GULP1: variants seen among roughly 807,000 people sequenced by gnomAD.
GULP1 encodes the protein PTB domain-containing engulfment adapter protein 1.
In GULP1, 19 loss-of-function variants were observed where a neutral mutation model predicts 40.9. That is an observed-to-expected ratio of 0.46 (90% CI 0.32 to 0.68). The LOEUF (loss-of-function observed/expected upper bound fraction) is 0.68, where lower values mean the gene tolerates loss of function less well. GULP1 is among the 30% of genes least tolerant of loss of function. GULP1 has a pLI of 0.03. For missense variants in GULP1, 312 were observed against 362.2 expected, an observed-to-expected ratio of 0.86 and a Z score of 1.12; for synonymous variants, 119 against 117.6, an observed-to-expected ratio of 1.01 and a Z score of -0.08.
chr2:188,511,948 G>C (rs1477897754), intron 4 of GULP1, among the ~76,000 whole-genome samples: 1 of 152,014 alleles, frequency 6.6e-6, no homozygotes, highest in East Asian at 1.9e-4. Context: ...TTTTTTTCAG[G>C]ATTATAGTTT....
intron 5 of GULP1, among the ~76,000 whole-genome samples, chr2:188,527,788 C>A (rs1686563628): frequency 6.6e-6 from 1 of 152,086 alleles, no homozygotes; most frequent in Admixed American, 6.6e-5. Context: ...TTATGTGTGG[C>A]AGTGCAAAGC....
chr2:188,338,410 T>C (rs1188899006), intron 1 of GULP1, among the ~76,000 whole-genome samples: 1 of 151,562 alleles, frequency 6.6e-6, no homozygotes, highest in East Asian at 1.9e-4. Context: ...GCTCAAGTGA[T>C]CCTCCCACTT....
In GULP1 at chr2:188,593,984, T is replaced by C; in HGVS notation, c.888T>C (p.Cys296=). 1 of 1,601,050 alleles carries C rather than the reference T, an allele frequency of 6.2e-7. No individual in the cohort carries two copies. Among genetic ancestry groups the C allele is most frequent in the Non-Finnish European group, 8.6e-7 (1 of 1,168,860 alleles). Residue 296 remains cysteine, a synonymous_variant, in exon 12 of 12, where the codon TGT becomes TGC. Coordinates refer to ENST00000409830, the MANE Select transcript of GULP1 (RefSeq NM_016315.4). ...MGLTLEGTVF[C]LDPLDSRC ...TAACTCTTGAAGGCACAGTATTTTG[T>C]CTCGACCCGTTAGACAGTAGGTGCT...
intron 1 of GULP1, among the ~76,000 whole-genome samples, chr2:188,300,025 A>T (rs1355185148): frequency 6.6e-6 from 1 of 152,202 alleles, no homozygotes; most frequent in Non-Finnish European, 1.5e-5. Flanking sequence ...TAGCTGGATT[A>T]ATAGTTTTAG....
At chr2:188,489,702 C>T (rs1166618659) in intron 4 of GULP1, among the ~76,000 whole-genome samples, 1 of 151,948 alleles carries the variant, frequency 6.6e-6, no homozygotes, top group Non-Finnish European at 1.5e-5. Flanking sequence ...AATACTGACA[C>T]GTGTTTAAAA....
intron 4 of GULP1, among the ~76,000 whole-genome samples, chr2:188,521,267 A>G (rs1417966010): frequency 1.3e-5 from 2 of 152,180 alleles, no homozygotes; most frequent in East Asian, 1.9e-4. Flanking sequence ...TAGTGATACT[A>G]GACTTCTGTT....
intron 1 of GULP1, among the ~76,000 whole-genome samples, chr2:188,363,667 G>A (rs2046374392): frequency 1.3e-5 from 2 of 152,082 alleles, no homozygotes; most frequent in Admixed American, 1.3e-4. Context: ...TCTTTTGAAA[G>A]CAAAATATTA....
intron 1 of GULP1, among the ~76,000 whole-genome samples, chr2:188,343,441 G>A (rs2043220936): frequency 6.6e-6 from 1 of 152,202 alleles, no homozygotes. Flanking sequence ...AAAGCTTGTA[G>A]TGTACAGTTA....
chr2:188,399,955 T>C (rs1402007584), intron 2 of GULP1, among the ~76,000 whole-genome samples: 2 of 152,182 alleles, frequency 1.3e-5, no homozygotes, highest in Admixed American at 6.5e-5. Context: ...ATGGAGTTTA[T>C]AGTCTAGTGA....
At chr2:188,521,974 G>A (rs1286794960) in intron 4 of GULP1, among the ~76,000 whole-genome samples, 1 of 152,160 alleles carries the variant, frequency 6.6e-6, no homozygotes, top group African/African-American at 2.4e-5. Context: ...TACTCGGGAG[G>A]CTGAGGCAGG....
intron 2 of GULP1, among the ~76,000 whole-genome samples, chr2:188,407,803 C>G (rs1483529437): frequency 6.6e-6 from 1 of 151,930 alleles, no homozygotes; most frequent in Non-Finnish European, 1.5e-5. Flanking sequence ...CAATAATTAC[C>G]TTGAATGTTA....
At chr2:188,330,028 G>A (rs2041343035) in intron 1 of GULP1, among the ~76,000 whole-genome samples, 1 of 152,092 alleles carries the variant, frequency 6.6e-6, no homozygotes, top group Non-Finnish European at 1.5e-5. Context: ...TGGGAAATGT[G>A]TAGGCTAGAG....
intron 4 of GULP1, among the ~76,000 whole-genome samples, chr2:188,513,242 T>C (rs969987323): frequency 6.6e-6 from 1 of 152,166 alleles, no homozygotes; most frequent in Non-Finnish European, 1.5e-5. Flanking sequence ...TTTCATTATA[T>C]AGACTAATAA....
chr2:188,418,910 TTAC>T (rs1158467893), intron 2 of GULP1, among the ~76,000 whole-genome samples: 1 of 152,232 alleles, frequency 6.6e-6, no homozygotes, highest in Non-Finnish European at 1.5e-5. Context: ...GCAACCATAG[TTAC>T]TCTCTTTGAT....
chr2:188,498,334 G>A (rs554038519), intron 4 of GULP1, among the ~76,000 whole-genome samples: 131 of 151,854 alleles, frequency 8.6e-4, no homozygotes, highest in Non-Finnish European at 1.6e-3. Context: ...TGAGGTACTG[G>A]GTCAGAGATA....
intron 10 of GULP1, among the ~76,000 whole-genome samples, chr2:188,587,634 T>C (rs569601231): frequency 1.3e-5 from 2 of 152,260 alleles, no homozygotes; most frequent in East Asian, 3.9e-4. Context: ...TAGATAATAA[T>C]TCTTTATAAT....
At chr2:188,367,028 G>T (rs960567318) in intron 1 of GULP1, among the ~76,000 whole-genome samples, 1 of 152,052 alleles carries the variant, frequency 6.6e-6, no homozygotes, top group Admixed American at 6.5e-5. Flanking sequence ...TTTATTTGTT[G>T]TAGTAACAAA....
At chr2:188,342,587 A>C (rs537326724) in intron 1 of GULP1, among the ~76,000 whole-genome samples, 1 of 152,242 alleles carries the variant, frequency 6.6e-6, no homozygotes, top group East Asian at 1.9e-4. Flanking sequence ...AAACCATACT[A>C]TTTTGAGCAT....
intron 1 of GULP1, among the ~76,000 whole-genome samples, chr2:188,296,245 C>T (rs187022135): frequency 3.9e-5 from 6 of 152,152 alleles, no homozygotes; most frequent in East Asian, 1.9e-4. Context: ...ATGGAGAAAT[C>T]GCTTCACTTT....
Sources: gnomAD v4.1 joint callset for allele counts (sites outside exome capture counted in the v4.1 genomes callset) on GRCh38, gnomAD v4.1.1 for gene constraint, MANE v1.5 for transcripts, NCBI Gene and HGNC (gene_info 2026-07-23, HGNC 2026-07-21) for gene names.